Variants in ERG28 observed in about 807,000 individuals in gnomAD.
ERG28 encodes ergosterol biosynthesis 28 homolog, also known as ergosterol biosynthetic protein 28 homolog.
Under a neutral mutation model 15.7 loss-of-function variants are expected in ERG28, and 9 were observed. That is an observed-to-expected ratio of 0.57 (90% confidence interval 0.35 to 1.00). ERG28 has a LOEUF of 1.00. Among genes scored for constraint, ERG28 ranks in the 50% least tolerant of loss-of-function variants. The pLI is 0.02. For missense variants in ERG28, 117 were observed against 173.3 expected (o/e 0.68, Z 1.82); for synonymous variants, 61 against 68.4 (o/e 0.89, Z 0.53).
In ERG28 at chr14:75,657,356, C is replaced by A. The variant is rs200233869; in HGVS notation, c.133+14G>T. On this transcript the variant is annotated intron_variant, in intron 2 of 4. Transcript: ENST00000256319. The stretch of plus-strand genomic sequence containing the variant: ...AAGTCCTATAAAGGATGCAGAAATT[C>A]TTTGATTTCTTACCAAGGTTTGGCT... 6 of 1,613,774 alleles carry A rather than the reference C, an allele frequency of 3.7e-6. No homozygotes were observed. The South Asian group carries it at 5.5e-5, about 15-fold the overall frequency.
intron 3 of ERG28, among the ~76,000 whole-genome samples, chr14:75,654,413 C>G (rs960610687): frequency 6.6e-6 from 1 of 152,146 alleles, no homozygotes; most frequent in Admixed American, 6.5e-5. Flanking sequence ...ATTCAGGAGC[C>G]CTAGCTTCTC....
rs749114740 is a variant in ERG28 at position 75,651,795 on chromosome 14, C to T, written c.319G>A (p.Val107Ile). The change falls in exon 4 of 5, where the codon GTC (valine) becomes ATC (isoleucine). Residue 107 changes from valine to isoleucine, a missense_variant. Transcript: ENST00000256319. ...CTTGCCACCATCAGGGGTGCCAGGA[C>T]GCCAATCGTGGGAGCTGCAGTTCCA... is the stretch of plus-strand genomic sequence containing the variant. ...VYGTAAPTIG[V>I]LAPLMVASFS... The T allele has an allele frequency of 2.2e-5, 35 of 1,613,750 alleles. No homozygotes were observed. The highest frequency in any genetic ancestry group is 1.5e-4 in the South Asian group (14 of 91,078).
At chr14:75,657,570 G>GT in intron 1 of ERG28, 37 bp from the exon 2 acceptor site, 1 of 1,579,118 alleles carries the variant, frequency 6.3e-7, no homozygotes, top group Non-Finnish European at 8.7e-7. Flanking sequence ...GACAATGAGG[G>GT]CCAGTCTATG....
At chr14:75,658,622 G>A (rs1890629135) in intron 1 of ERG28, among the ~76,000 whole-genome samples, 2 of 152,218 alleles carry the variant, frequency 1.3e-5, no homozygotes, top group South Asian at 4.1e-4. Context: ...GCCTAGGTGT[G>A]ATAGACTTAA....
intron 2 of ERG28, among the ~76,000 whole-genome samples, chr14:75,655,350 A>G (rs1890583967): frequency 1.3e-5 from 2 of 152,210 alleles, no homozygotes; most frequent in Admixed American, 6.5e-5. Context: ...GAAATGCAAG[A>G]TGCCCAGGAG....
At position 75,660,849 on chromosome 14, in the gene ERG28, A is replaced by C. The variant is rs1331772090; in HGVS notation, c.-106T>G. On this transcript the variant is annotated 5_prime_UTR_variant, in exon 1 of 5. Transcript: ENST00000256319. The stretch of plus-strand genomic sequence containing the variant: ...AAACAAGCTCCCCCAGGACAGCTCC[A>C]GCCCGGAGTCCACCTGAGCCATTTG... 6.5e-6 allele frequency: 1 copy of C among 152,762 alleles called. No homozygotes were observed. The highest frequency in any genetic ancestry group is 2.4e-5 in the African/African-American group (1 of 41,414). The allele number at this position is 152,762 out of a possible 1,614,324, so 9.5% of individuals were successfully genotyped here. A position where few individuals can be genotyped will look rare whatever the true frequency, so the allele number is the denominator to read the frequency against.
intron 1 of ERG28, among the ~76,000 whole-genome samples, chr14:75,659,973 C>CAGA (rs1466544077): frequency 1.3e-5 from 2 of 151,420 alleles, no homozygotes; most frequent in Non-Finnish European, 2.9e-5. Context: ...AAGGTGGTCT[C>CAGA]TGTCGAAGAT....
At chr14:75,657,230 T>C in intron 2 of ERG28, 140 bp downstream of exon 2, 8 of 1,041,110 alleles carry the variant, frequency 7.7e-6, no homozygotes, top group African/African-American at 1.6e-5. Flanking sequence ...GTTCAATAAA[T>C]AGGTTTGGTG....
intron 1 of ERG28, among the ~76,000 whole-genome samples, chr14:75,659,042 CTG>C (rs1890634907): frequency 6.6e-6 from 1 of 152,216 alleles, no homozygotes; most frequent in Non-Finnish European, 1.5e-5. Flanking sequence ...ACACCGTGAA[CTG>C]TGCCAAGCAC....
chr14:75,655,292 G>A (rs1240039368), intron 2 of ERG28, among the ~76,000 whole-genome samples: 1 of 152,210 alleles, frequency 6.6e-6, no homozygotes, highest in Non-Finnish European at 1.5e-5. Context: ...GAAGCCTAGA[G>A]GGTCTGGATC....
intron 3 of ERG28, among the ~76,000 whole-genome samples, chr14:75,653,884 C>T (rs549892738): frequency 6.6e-6 from 1 of 151,870 alleles, no homozygotes; most frequent in African/African-American, 2.4e-5. Flanking sequence ...GAACTAAACA[C>T]ACTGCTTCCA....
chr14:75,656,279 A>C (rs1015767942), intron 2 of ERG28, among the ~76,000 whole-genome samples: 1 of 135,892 alleles, frequency 7.4e-6, no homozygotes, highest in African/African-American at 2.7e-5. Context: ...GTGCTGGCTG[A>C]ACACACACAC....
chr14:75,655,478 T>C (rs1890585412), intron 2 of ERG28, among the ~76,000 whole-genome samples: 1 of 152,208 alleles, frequency 6.6e-6, no homozygotes, highest in South Asian at 2.1e-4. Context: ...TGCATCCAGA[T>C]CTATGCTGTT....
At chr14:75,653,775 G>C (rs949665900) in intron 3 of ERG28, among the ~76,000 whole-genome samples, 1 of 152,034 alleles carries the variant, frequency 6.6e-6, no homozygotes, top group African/African-American at 2.4e-5. Context: ...AGGTAGAACA[G>C]ATATCTATTC....
chr14:75,659,562 C>G (rs77669732), intron 1 of ERG28, among the ~76,000 whole-genome samples: 9 of 66,078 alleles, frequency 1.4e-4, no homozygotes, highest in Admixed American at 2.0e-4. Flanking sequence ...CAGCACCCAG[C>G]CTTTTTTTTT....
chr14:75,652,292 T>C (rs1454794152), intron 3 of ERG28, among the ~76,000 whole-genome samples: 1 of 152,246 alleles, frequency 6.6e-6, no homozygotes, highest in Non-Finnish European at 1.5e-5. Context: ...CATCTGGCCA[T>C]GCACTTGTCG....
chr14:75,651,970 AAAT>A, intron 3 of ERG28, 81 bp from the exon 4 acceptor site: 1 of 1,230,680 alleles, frequency 8.1e-7, no homozygotes, highest in Non-Finnish European at 1.2e-6. Flanking sequence ...TCATACAGAC[AAAT>A]AAGAACCCAG....
At chr14:75,659,876 C>T (rs546909117) in intron 1 of ERG28, among the ~76,000 whole-genome samples, 2 of 137,896 alleles carry the variant, frequency 1.5e-5, no homozygotes, top group East Asian at 2.3e-4. Flanking sequence ...CGCCCCCCCC[C>T]GCCAACTCCC....
In ERG28 at chr14:75,655,060, T is replaced by C. The variant is rs1450588051; in HGVS notation, c.134-84A>G. On this transcript the variant is annotated intron_variant, in intron 2 of 4. Coordinates refer to ENST00000256319, the MANE Select transcript of ERG28 (RefSeq NM_007176.4). Reference sequence around the variant, plus strand: ...CTCCTCCTATTTCACTGGTGGTTCATGGGAGATAGGGAGCTGGACCTGACC... The same window carrying C: ...CTCCTCCTATTTCACTGGTGGTTCACGGGAGATAGGGAGCTGGACCTGACC... 5 of 1,375,628 alleles carry C rather than the reference T, an allele frequency of 3.6e-6. No individual in the cohort carries two copies. The Admixed American group carries it at 6.7e-5, about 19-fold the overall frequency. 85.2% of individuals were successfully genotyped at this position (1,375,628 alleles called of 1,614,324 possible).
Sources: allele counts gnomAD v4.1 joint callset (sites outside exome capture counted in the v4.1 genomes callset), GRCh38; gene constraint gnomAD v4.1.1; transcripts MANE v1.5; gene names NCBI Gene and HGNC (gene_info 2026-07-23, HGNC 2026-07-21).